PRRX2: variants seen among roughly 807,000 people sequenced by gnomAD.
PRRX2 encodes paired mesoderm homeobox protein 2.
A neutral mutation model predicts 18.0 loss-of-function variants in PRRX2; 11 were observed. The observed-to-expected ratio is 0.61, with a 90% CI of 0.39 to 1.01. The LOEUF is 1.01. Among genes scored for constraint, PRRX2 ranks in the 50% least tolerant of loss-of-function variants. The pLI, the probability that PRRX2 is intolerant of heterozygous loss-of-function variation, is 0.01. For missense variants in PRRX2, 387 were observed against 351.0 expected (o/e 1.10, Z -0.82); for synonymous variants, 177 against 154.8 (o/e 1.14, Z -1.06).
chr9:129,708,161 G>A (rs375369854), intron 1 of PRRX2, among the ~76,000 whole-genome samples: 21 of 152,162 alleles, frequency 1.4e-4, no homozygotes, highest in East Asian at 5.8e-4. Flanking sequence ...TCAGCCTCCC[G>A]AGTAACTGGG....
At chr9:129,700,507 T>A (rs1418497254) in intron 1 of PRRX2, among the ~76,000 whole-genome samples, 1 of 151,822 alleles carries the variant, frequency 6.6e-6, no homozygotes, top group Non-Finnish European at 1.5e-5. Flanking sequence ...TTTTTGTATT[T>A]TTAGTAGTGA....
chr9:129,721,071 G>A (rs1270685046), intron 3 of PRRX2, among the ~76,000 whole-genome samples: 1 of 152,262 alleles, frequency 6.6e-6, no homozygotes, highest in Non-Finnish European at 1.5e-5. Context: ...GTGCAAGCAT[G>A]CGTGTCCACA....
At position 129,719,361 on chromosome 9, in the gene PRRX2, C is replaced by T. The variant is rs756329628; in HGVS notation, c.390C>T (p.Asp130=). The change falls in exon 2 of 4, where the codon GAC becomes GAT. Residue 130 remains aspartate, a synonymous_variant. Coordinates refer to ENST00000372469, the MANE Select transcript of PRRX2 (RefSeq NM_016307.4). ...TGTTCGAGCGCACGCACTACCCCGA[C>T]GCCTTTGTGCGCGAGGAGCTTGCCC... ...ERVFERTHYP[D]AFVREELARR... 7 of 1,571,700 alleles carry T rather than the reference C, an allele frequency of 4.5e-6. No homozygotes were observed. The East Asian group carries it at 1.7e-4, about 37-fold the overall frequency.
intron 1 of PRRX2, among the ~76,000 whole-genome samples, chr9:129,666,741 G>A (rs894940156): frequency 7.2e-5 from 11 of 152,228 alleles, no homozygotes; most frequent in Non-Finnish European, 1.5e-4. Context: ...AGGGTCCTGA[G>A]CCCTTGGTAA....
At chr9:129,697,425 T>A (rs1313028905) in intron 1 of PRRX2, among the ~76,000 whole-genome samples, 2 of 151,524 alleles carry the variant, frequency 1.3e-5, no homozygotes, top group Non-Finnish European at 2.9e-5. Context: ...GCGCGGGATC[T>A]ATTAACGTCT....
intron 1 of PRRX2, among the ~76,000 whole-genome samples, chr9:129,666,971 C>G (rs1378380876): frequency 6.6e-6 from 1 of 151,564 alleles, no homozygotes; most frequent in Non-Finnish European, 1.5e-5. Flanking sequence ...CAGCAGCCCT[C>G]CCACCCGCCC....
At chr9:129,680,691 C>T (rs1832216713) in intron 1 of PRRX2, among the ~76,000 whole-genome samples, 1 of 152,044 alleles carries the variant, frequency 6.6e-6, no homozygotes, top group Non-Finnish European at 1.5e-5. Context: ...CCCAGCCCAA[C>T]ACCCCGCCCC....
In PRRX2 at chr9:129,708,199, C is replaced by T. The variant is rs138832612; in HGVS notation, c.260-11032C>T. Among the ~76,000 whole-genome samples the T allele has an allele frequency of 4.4e-3, 669 of 152,266 alleles. 2 individuals carry two copies. The highest frequency in any genetic ancestry group is 0.034 in the Middle Eastern group (10 of 294). On this transcript the variant is annotated intron_variant, in intron 1 of 3. Coordinates refer to ENST00000372469, the MANE Select transcript of PRRX2 (RefSeq NM_016307.4). The stretch of plus-strand genomic sequence containing the variant: ...TTCAGGTACCTGCCACCACGCCTGG[C>T]TAATTTTTGTATTTTCAATAGAGAC...
At chr9:129,690,925 G>A (rs553520080) in intron 1 of PRRX2, among the ~76,000 whole-genome samples, 1 of 152,220 alleles carries the variant, frequency 6.6e-6, no homozygotes, top group East Asian at 1.9e-4. Context: ...TCCTTTAGGT[G>A]GGCTGTAAAC....
At chr9:129,706,959 G>T (rs1832565036) in intron 1 of PRRX2, among the ~76,000 whole-genome samples, 1 of 152,060 alleles carries the variant, frequency 6.6e-6, no homozygotes, top group South Asian at 2.1e-4. Context: ...TCATATAAAA[G>T]AAATCATTCA....
intron 1 of PRRX2, among the ~76,000 whole-genome samples, chr9:129,698,160 T>C (rs1047659079): frequency 2.0e-5 from 3 of 150,778 alleles, no homozygotes; most frequent in Non-Finnish European, 3.0e-5. Flanking sequence ...ACCAGCCCCT[T>C]CAGCTCTCTG....
At chr9:129,679,780 T>A (rs1832204634) in intron 1 of PRRX2, among the ~76,000 whole-genome samples, 1 of 152,108 alleles carries the variant, frequency 6.6e-6, no homozygotes, top group Non-Finnish European at 1.5e-5. Flanking sequence ...GCCCCTCTTG[T>A]CCCCCATGCA....
chr9:129,669,748 G>C (rs1477379968), intron 1 of PRRX2, among the ~76,000 whole-genome samples: 1 of 152,126 alleles, frequency 6.6e-6, no homozygotes, highest in Non-Finnish European at 1.5e-5. Context: ...GGTTTGTGGT[G>C]GGGGTCCCCA....
intron 1 of PRRX2, among the ~76,000 whole-genome samples, chr9:129,668,725 C>T (rs538574525): frequency 7.7e-6 from 1 of 130,366 alleles, no homozygotes; most frequent in Admixed American, 9.0e-5. Context: ...TGCAGTGAGC[C>T]AAGATTGCAC....
rs894418 is a variant in PRRX2 at position 129,695,850 on chromosome 9, C to T, written c.260-23381C>T. ...CACAAGTGAATTCAGAGAGCATTAA[C>T]GGGAAAGTTCTAAACAGAACCTCTG... On this transcript the variant is annotated intron_variant, in intron 1 of 3. Coordinates refer to ENST00000372469, the MANE Select transcript of PRRX2 (RefSeq NM_016307.4). This position sits in a 1 kb window ranked among gnomAD's most constrained non-coding sequence, Gnocchi z 4.8. Among the ~76,000 whole-genome samples, 7,527 of 152,182 alleles carry T rather than the reference C, an allele frequency of 0.049. 444 individuals are homozygous for T. Among genetic ancestry groups the T allele is most frequent in the East Asian group, 0.35 (1,808 of 5,172 alleles).
chr9:129,710,845 A>G (rs1832609454), intron 1 of PRRX2, among the ~76,000 whole-genome samples: 1 of 152,072 alleles, frequency 6.6e-6, no homozygotes, highest in South Asian at 2.1e-4. Context: ...ATCCTTCTCC[A>G]TGAGGCCCCA....
chr9:129,721,218 G>A (rs770145601), intron 3 of PRRX2, among the ~76,000 whole-genome samples: 1 of 152,168 alleles, frequency 6.6e-6, no homozygotes, highest in South Asian at 2.1e-4. Context: ...GGGCCCCAGC[G>A]CCCTGTGTCC....
At chr9:129,717,772 GTT>G (rs1052485200) in intron 1 of PRRX2, among the ~76,000 whole-genome samples, 39 of 151,366 alleles carry the variant, frequency 2.6e-4, no homozygotes, top group Non-Finnish European at 8.8e-5. Context: ...AGAGTATTTT[GTT>G]TTACTTTATA....
intron 2 of PRRX2, 123 bp from the exon 3 acceptor site, chr9:129,720,473 C>A: frequency 2.2e-6 from 2 of 893,508 alleles, no homozygotes; most frequent in East Asian, 2.9e-5. Flanking sequence ...GATGAAAAAA[C>A]TGAGGGTCAG....
Sources: gnomAD v4.1 joint callset for allele counts (sites outside exome capture counted in the v4.1 genomes callset) on GRCh38, gnomAD v4.1.1 for gene constraint, Gnocchi (gnomAD v3.1) non-coding constraint, MANE v1.5 for transcripts, NCBI Gene and HGNC (gene_info 2026-07-23, HGNC 2026-07-21) for gene names.